The following LCP1 variants were observed in gnomAD, a reference collection of about 807,000 sequenced individuals.
LCP1 encodes plastin-2.
A neutral mutation model predicts 72.0 loss-of-function variants in LCP1; 23 were observed. The ratio of observed to expected loss-of-function variants is 0.32; its 90% CI spans 0.23 to 0.45. The LOEUF (loss-of-function observed/expected upper bound fraction) is 0.45, where lower values mean the gene tolerates loss of function less well. LCP1 is among the 20% of genes least tolerant of loss of function. The pLI is 1.00. For synonymous variants in LCP1, 245 were observed against 275.4 expected, an observed-to-expected ratio of 0.89 and a Z score of 1.09; for missense variants, 571 against 748.3, an observed-to-expected ratio of 0.76 and a Z score of 2.76.
At chr13:46,140,931 C>G (rs946399906) in intron 13 of LCP1, among the ~76,000 whole-genome samples, 4 of 152,132 alleles carry the variant, frequency 2.6e-5, no homozygotes, top group Non-Finnish European at 5.9e-5. Context: ...AAATAAATCA[C>G]TAAAGCATCG....
At position 46,146,598 on chromosome 13, in the gene LCP1, C is replaced by T. The variant is rs572414427; in HGVS notation, c.1174+310G>A. The stretch of plus-strand genomic sequence containing the variant: ...AGGAATCAACACAGTCCATTAAGTA[C>T]GTAAATTATCTTTTTGAAACTCAGG... On this transcript the variant is annotated intron_variant, in intron 10 of 15. Coordinates refer to ENST00000323076, the MANE Select transcript of LCP1 (RefSeq NM_002298.5). Among the ~76,000 whole-genome samples the T allele has an allele frequency of 3.3e-4, 50 of 152,234 alleles. No individual in the cohort carries two copies. The South Asian group carries it at 7.0e-3, about 21-fold the overall frequency.
intron 1 of LCP1, among the ~76,000 whole-genome samples, chr13:46,173,014 AG>A (rs2045912028): frequency 6.6e-6 from 1 of 152,170 alleles, no homozygotes; most frequent in Non-Finnish European, 1.5e-5. Context: ...AAGAACCTAA[AG>A]TTTTATTTAA....
chr13:46,164,222 G>A (rs2045864066), intron 1 of LCP1, among the ~76,000 whole-genome samples: 1 of 152,140 alleles, frequency 6.6e-6, no homozygotes, highest in African/African-American at 2.4e-5. Flanking sequence ...AGTAGAAGCA[G>A]AGAACAAGAC....
chr13:46,148,317 C>A, intron 9 of LCP1, 35 bp downstream of exon 9: 1 of 1,445,222 alleles, frequency 6.9e-7, no homozygotes, highest in African/African-American at 1.4e-5. Flanking sequence ...AAAATAGCAT[C>A]ATATTCTCCA....
At chr13:46,143,476 T>G (rs2045710541) in intron 11 of LCP1, 72 bp from the exon 12 acceptor site, 1 of 948,892 alleles carries the variant, frequency 1.1e-6, no homozygotes, top group African/African-American at 1.6e-5. Context: ...GGCCAGACAC[T>G]TTCTTACATA....
intron 1 of LCP1, among the ~76,000 whole-genome samples, chr13:46,164,201 C>T (rs745798876): frequency 3.3e-5 from 5 of 151,940 alleles, no homozygotes; most frequent in Non-Finnish European, 5.9e-5. Context: ...CAGCAGCTAG[C>T]GATAAATATA....
intron 6 of LCP1, among the ~76,000 whole-genome samples, chr13:46,153,544 T>C (rs1346640945): frequency 6.6e-6 from 1 of 151,554 alleles, no homozygotes; most frequent in Non-Finnish European, 1.5e-5. Flanking sequence ...CTACTAAAAA[T>C]ACAAAAATTA....
intron 1 of LCP1, 115 bp from the exon 2 acceptor site, chr13:46,159,801 G>A (rs2045826825): frequency 3.1e-6 from 2 of 651,290 alleles, no homozygotes; most frequent in Non-Finnish European, 5.4e-6. Context: ...CATCCCCCAT[G>A]ATTTAGAACT....
chr13:46,135,244 G>A (rs2045658121), intron 13 of LCP1, among the ~76,000 whole-genome samples: 1 of 152,152 alleles, frequency 6.6e-6, no homozygotes, highest in East Asian at 1.9e-4. Context: ...ACATGGGTTT[G>A]TGGACTTCAT....
chr13:46,132,268 T>C (rs1374303485), intron 14 of LCP1, among the ~76,000 whole-genome samples: 3 of 152,292 alleles, frequency 2.0e-5, no homozygotes, highest in Non-Finnish European at 4.4e-5. Flanking sequence ...AGCCACAGCC[T>C]AATGTAATGG....
intron 10 of LCP1, among the ~76,000 whole-genome samples, chr13:46,145,223 A>T (rs566540934): frequency 6.6e-6 from 1 of 152,220 alleles, no homozygotes; most frequent in South Asian, 2.1e-4. Flanking sequence ...TTGTAAAATT[A>T]CTACAATAAA....
At position 46,148,578 on chromosome 13, in the gene LCP1, C is replaced by T. The variant is rs1229089220; in HGVS notation, c.883-131G>A. ...CATTCCAGAATGTAACTTAACAAAG[C>T]TAGAAACATTCACTAATTTGAATGT... On this transcript the variant is annotated intron_variant, in intron 8 of 15. Transcript: ENST00000323076. The T allele has an allele frequency of 3.1e-5, 18 of 586,414 alleles. No homozygotes were observed. In the African/African-American group the frequency reaches 3.4e-4, roughly 11 times the overall value. 36.3% of individuals were successfully genotyped at this position (586,414 alleles called of 1,614,324 possible). A position where few individuals can be genotyped will look rare whatever the true frequency, so the allele number is the denominator to read the frequency against.
Position 46,148,338 on chromosome 13 carries a change from G to C in LCP1, c.978+14C>G. The C allele has an allele frequency of 1.9e-6, 3 of 1,586,578 alleles. No homozygotes were observed. The highest frequency in any genetic ancestry group is 2.6e-6 in the Non-Finnish European group (3 of 1,156,600). On this transcript the variant is annotated intron_variant, in intron 9 of 15. Transcript: ENST00000323076. ...GCATCATATTCTCCAAACACAACTG[G>C]GACCTGGCCTTACCCGCAGTCCTGA...
At position 46,173,703 on chromosome 13, in the gene LCP1, G is replaced by C. The variant is rs372509133; in HGVS notation, c.-25+8408C>G. Among the ~76,000 whole-genome samples the C allele has an allele frequency of 1.5e-4, 23 of 152,146 alleles. No homozygotes were observed. In the East Asian group the frequency reaches 2.3e-3, roughly 15 times the overall value. On this transcript the variant is annotated intron_variant, in intron 1 of 15. Transcript: ENST00000323076. ...GGCTTTGGTACCACATTTCTTATTC[G>C]GAGTCCTTGAAGTCAGGTATTGCAG...
rs202131210 is a variant in LCP1, at chr13:46,150,984, C to T, written c.834G>A (p.Leu278=). ...ELLLRWANYH[L]ENAGCNKIGN... is the part of the protein sequence containing the mutation. ...CAATTTTGTTGCAGCCTGCATTTTC[C>T]AGGTGGTAATTAGCCCACCTCAGCA... The change falls in exon 8 of 16, where the codon CTG becomes CTA. Residue 278 remains leucine (L), a synonymous_variant. Coordinates refer to ENST00000323076, the MANE Select transcript of LCP1 (RefSeq NM_002298.5). 3 of 1,613,946 alleles carry T rather than the reference C, an allele frequency of 1.9e-6. No homozygotes were observed. The highest frequency in any genetic ancestry group is 2.5e-6 in the Non-Finnish European group (3 of 1,179,858).
At chr13:46,172,564 T>C (rs1361912955) in intron 1 of LCP1, among the ~76,000 whole-genome samples, 1 of 152,014 alleles carries the variant, frequency 6.6e-6, no homozygotes, top group Non-Finnish European at 1.5e-5. Flanking sequence ...CACAGGAAGC[T>C]GTGGCAGGTT....
At chr13:46,156,964 G>A (rs1477436093) in intron 4 of LCP1, among the ~76,000 whole-genome samples, 5 of 150,838 alleles carry the variant, frequency 3.3e-5, no homozygotes, top group African/African-American at 1.2e-4. Flanking sequence ...GGGACTACAG[G>A]CGCCCGCCAC....
At chr13:46,145,180 T>A (rs551627060) in intron 10 of LCP1, among the ~76,000 whole-genome samples, 1 of 152,266 alleles carries the variant, frequency 6.6e-6, no homozygotes, top group African/African-American at 2.4e-5. Context: ...GGTAGCAGAT[T>A]TTAGTTGACA....
intron 1 of LCP1, 21 bp from the exon 2 acceptor site, chr13:46,159,707 A>G: frequency 6.9e-7 from 1 of 1,448,242 alleles, no homozygotes; most frequent in Non-Finnish European, 9.7e-7. Flanking sequence ...GAAGAACATA[A>G]GGGATAACTT....
Sources: allele counts gnomAD v4.1 joint callset (sites outside exome capture counted in the v4.1 genomes callset), GRCh38; gene constraint gnomAD v4.1.1; transcripts MANE v1.5; gene names NCBI Gene and HGNC (gene_info 2026-07-23, HGNC 2026-07-21).